Variants in MAPRE3 observed in about 807,000 individuals in gnomAD.
The protein encoded by MAPRE3 is microtubule-associated protein RP/EB family member 3.
A neutral mutation model predicts 30.5 loss-of-function variants in MAPRE3; 2 were observed. That is an observed-to-expected ratio of 0.07 (90% confidence interval 0.03 to 0.21). The LOEUF is 0.21. Ranked by LOEUF, MAPRE3 falls within the 10% of genes least tolerant of loss-of-function variation. The pLI is 1.00. For synonymous variants in MAPRE3, 110 were observed against 127.7 expected (o/e 0.86, Z 0.93); for missense variants, 204 against 351.8 (o/e 0.58, Z 3.36).
chr2:27,012,415 C>T (rs1202514522), intron 1 of MAPRE3: 1 of 152,186 alleles, frequency 6.6e-6, no homozygotes, highest in Non-Finnish European at 1.5e-5. Flanking sequence ...AGTGGTTGAT[C>T]TTGAACTTGG....
Position 26,985,113 on chromosome 2 carries a change from T to C in MAPRE3, c.-8+14311T>C, listed in dbSNP as rs2148201097. 1 of 152,364 alleles carries C rather than the reference T, an allele frequency of 6.6e-6. No individual in the cohort carries two copies. Among genetic ancestry groups the C allele is most frequent in the Middle Eastern group, 3.4e-3 (1 of 294 alleles). The allele number at this position is 152,364 out of a possible 1,614,324, so 9.4% of individuals were successfully genotyped here. Reference sequence around the variant, plus strand: ...TGGGAAGGAGTAGAAGGGACATCCCTAGGTCCTGAATTCTTCCTTTTTCTT... The same window carrying C: ...TGGGAAGGAGTAGAAGGGACATCCCCAGGTCCTGAATTCTTCCTTTTTCTT... On this transcript the variant is annotated intron_variant, in intron 1 of 6. Coordinates refer to ENST00000233121, the MANE Select transcript of MAPRE3 (RefSeq NM_012326.4). The surrounding 1 kb of genome is among the most constrained non-coding windows in gnomAD (Gnocchi z 4.2).
rs761086261 is a variant in MAPRE3, at chr2:27,023,492, T to TC, written c.267+16dup. 4.3e-6 allele frequency: 7 copies of TC among 1,613,376 alleles called. No homozygotes were observed. In the Admixed American group the frequency reaches 1.2e-4, roughly 27 times the overall value. On this transcript the variant is annotated intron_variant, in intron 3 of 6. Coordinates refer to ENST00000233121, the MANE Select transcript of MAPRE3 (RefSeq NM_012326.4). ...GTGTTGACAAAGTAGGTGCCTGCGCTCTGGGGGGCCCTGAGGAGCAGTGTG... is the reference window on the plus strand; with the variant it reads ...GTGTTGACAAAGTAGGTGCCTGCGCTCCTGGGGGGCCCTGAGGAGCAGTGTG...
chr2:26,991,872 T>C (rs1666352360), intron 1 of MAPRE3, among the ~76,000 whole-genome samples: 2 of 152,136 alleles, frequency 1.3e-5, no homozygotes, highest in Non-Finnish European at 2.9e-5. Context: ...GCATTCCTCC[T>C]CTCCTTCTCT....
rs1165501291 is a variant in MAPRE3 at position 27,025,652 on chromosome 2, C to A, written c.539C>A (p.Pro180His). 6.2e-7 allele frequency: 1 copy of A among 1,611,502 alleles called. No individual in the cohort carries two copies. Among genetic ancestry groups the A allele is most frequent in the Non-Finnish European group, 8.5e-7 (1 of 1,178,612 alleles). The change falls in exon 5 of 7, where the codon CCC becomes CAC. Residue 180 changes from proline (P) to histidine (H), a missense_variant. Pro to His is a moderately conservative substitution (Grantham distance 77). Transcript: ENST00000233121. ...TCTGGCCGGCTGAGCAATGTGGCCC[C>A]CCCCTGCATTCTCCGGAAGAATCCT... ...QTSGRLSNVA[P>H]PCILRKNPPS... is the part of the protein sequence containing the mutation.
chr2:27,009,205 ATG>A (rs1461006654), intron 1 of MAPRE3, among the ~76,000 whole-genome samples: 2 of 152,232 alleles, frequency 1.3e-5, no homozygotes, highest in Non-Finnish European at 2.9e-5. Context: ...GTAAAAACTG[ATG>A]AAATCCAAAT....
intron 1 of MAPRE3, among the ~76,000 whole-genome samples, chr2:26,996,115 A>AATTTT (rs60224906): frequency 0.68 from 88,556 of 130,496 alleles, 31,790 homozygotes; most frequent in South Asian, 0.79. Flanking sequence ...AGAAGATAGG[A>AATTTT]ATTTTATTTT....
In MAPRE3 at chr2:27,022,204, C is replaced by T; in HGVS notation, c.-7-8C>T. ...AGTGCTGACCTCACCTTTCTTCTTG[C>T]TTTCCAGCTGGGGTATGGCCGTCAA... On this transcript the variant is annotated splice_polypyrimidine_tract_variant and splice_region_variant and intron_variant, in intron 1 of 6. Coordinates refer to ENST00000233121, the MANE Select transcript of MAPRE3 (RefSeq NM_012326.4). 1.2e-6 allele frequency: 2 copies of T among 1,612,926 alleles called. No individual in the cohort carries two copies. The highest frequency in any genetic ancestry group is 1.7e-6 in the Non-Finnish European group (2 of 1,179,782).
rs68169162 is a variant in MAPRE3 at position 26,973,546 on chromosome 2, G to GT, written c.-8+2763dup. Among the ~76,000 whole-genome samples, 791 of 122,278 alleles carry GT rather than the reference G, an allele frequency of 6.5e-3. 6 individuals carry two copies. Among genetic ancestry groups the GT allele is most frequent in the Admixed American group, 8.0e-3 (100 of 12,438 alleles). 80.2% of individuals were successfully genotyped at this position (122,278 alleles called of 152,430 possible). A position where few individuals can be genotyped will look rare whatever the true frequency, so the allele number is the denominator to read the frequency against. On this transcript the variant is annotated intron_variant, in intron 1 of 6. Coordinates refer to ENST00000233121, the MANE Select transcript of MAPRE3 (RefSeq NM_012326.4). ...TGTCAGAAGCCGAACAGAAAATATAGTTTTTTTTTTTTTTTTTTTGAGACG... is the reference window on the plus strand; with the variant it reads ...TGTCAGAAGCCGAACAGAAAATATAGTTTTTTTTTTTTTTTTTTTTGAGACG...
chr2:26,976,354 A>C (rs1163108091), intron 1 of MAPRE3, among the ~76,000 whole-genome samples: 1 of 152,196 alleles, frequency 6.6e-6, no homozygotes, highest in Non-Finnish European at 1.5e-5. Flanking sequence ...TCATTTGGAC[A>C]TGTGCTTTGG....
At chr2:27,002,461 C>G (rs1341854353) in intron 1 of MAPRE3, among the ~76,000 whole-genome samples, 1 of 149,900 alleles carries the variant, frequency 6.7e-6, no homozygotes, top group African/African-American at 2.5e-5. Context: ...AATGGCTGTA[C>G]TAAACTATAT....
chr2:27,009,044 G>A (rs1666793016), intron 1 of MAPRE3, among the ~76,000 whole-genome samples: 1 of 152,038 alleles, frequency 6.6e-6, no homozygotes, highest in Admixed American at 6.5e-5. Context: ...CAGGGGATAG[G>A]GTTGGGGGGG....
chr2:26,981,729 C>G (rs912213163), intron 1 of MAPRE3, among the ~76,000 whole-genome samples: 2 of 152,136 alleles, frequency 1.3e-5, no homozygotes, highest in African/African-American at 4.8e-5. Flanking sequence ...TAAGGAGCCT[C>G]CACGTGTCAG....
At chr2:27,017,009 A>T (rs1230785410) in intron 1 of MAPRE3, among the ~76,000 whole-genome samples, 1 of 152,094 alleles carries the variant, frequency 6.6e-6, no homozygotes, top group South Asian at 2.1e-4. Flanking sequence ...TGGGGGATAC[A>T]TTTAAAGGAG....
intron 1 of MAPRE3, among the ~76,000 whole-genome samples, chr2:26,975,766 G>A (rs1454554771): frequency 1.3e-5 from 2 of 151,664 alleles, no homozygotes; most frequent in Non-Finnish European, 2.9e-5. Context: ...TACAAAAGAA[G>A]CAGCTGCCTT....
rs528482575 is a variant in MAPRE3, at chr2:27,016,586, G to A, written c.-7-5626G>A. Reference sequence around the variant, plus strand: ...TTTTTAGTAGAGACGGGGTTTCACCGTGTTAGCCAAGATGGTCTGGATCTC... The same window carrying A: ...TTTTTAGTAGAGACGGGGTTTCACCATGTTAGCCAAGATGGTCTGGATCTC... On this transcript the variant is annotated intron_variant, in intron 1 of 6. Coordinates refer to ENST00000233121, the MANE Select transcript of MAPRE3 (RefSeq NM_012326.4). 2.2e-4 allele frequency among the ~76,000 whole-genome samples: 33 copies of A among 152,014 alleles called. No individual in the cohort carries two copies. In the East Asian group the frequency reaches 4.5e-3, roughly 21 times the overall value.
intron 1 of MAPRE3, among the ~76,000 whole-genome samples, chr2:26,989,101 A>G (rs752224228): frequency 6.6e-6 from 1 of 152,148 alleles, no homozygotes; most frequent in Non-Finnish European, 1.5e-5. Flanking sequence ...TCCAGCACCA[A>G]TGTATCCCAC....
intron 1 of MAPRE3, among the ~76,000 whole-genome samples, chr2:26,983,330 C>G (rs1666154579): frequency 6.6e-6 from 1 of 152,174 alleles, no homozygotes; most frequent in African/African-American, 2.4e-5. Context: ...TGCAGCACCC[C>G]CAACCCTGCC....
chr2:26,987,599 T>C (rs776463542), intron 1 of MAPRE3, among the ~76,000 whole-genome samples: 9 of 151,970 alleles, frequency 5.9e-5, no homozygotes, highest in Admixed American at 2.0e-4. Context: ...GATCGCGCCA[T>C]TGCACTCCAG....
intron 1 of MAPRE3, among the ~76,000 whole-genome samples, chr2:26,975,423 A>G (rs1665995490): frequency 1.3e-5 from 2 of 152,336 alleles, no homozygotes; most frequent in Middle Eastern, 3.4e-3. Context: ...GGAGAGAATT[A>G]CAGACTGGCT....
Sources: allele counts gnomAD v4.1 joint callset (sites outside exome capture counted in the v4.1 genomes callset), GRCh38; gene constraint gnomAD v4.1.1; non-coding constraint Gnocchi (gnomAD v3.1); transcripts MANE v1.5; gene names NCBI Gene and HGNC (gene_info 2026-07-23, HGNC 2026-07-21).